Variants in NLRP8 observed in about 807,000 individuals in gnomAD.
NLRP8 encodes the protein NACHT, LRR and PYD domains-containing protein 8.
In NLRP8, 86 loss-of-function variants were observed where a neutral mutation model predicts 88.7. The observed-to-expected ratio is 0.97, with a 90% CI of 0.81 to 1.16. The LOEUF is 1.16. Ranked by LOEUF, NLRP8 falls within the 50% of genes most tolerant of loss-of-function variation. The pLI, the probability that NLRP8 is intolerant of heterozygous loss-of-function variation, is 0.00. For synonymous variants in NLRP8, 504 were observed against 494.6 expected (o/e 1.02, Z -0.25); for missense variants, 1,342 against 1,286.5 (o/e 1.04, Z -0.66).
Position 55,979,358 on chromosome 19 carries a change from C to G in NLRP8, c.2877-36C>G, listed in dbSNP as rs1487132289. 1.9e-6 allele frequency: 3 copies of G among 1,610,318 alleles called. No homozygotes were observed. The African/African-American group carries it at 4.0e-5, about 22-fold the overall frequency. ...TGAGCTCTCAGATGAGTTGTGATGA[C>G]TTCTCTGCTGTCTGCTGTCTGTTTC... On this transcript the variant is annotated intron_variant, in intron 8 of 9. Coordinates refer to ENST00000291971, the MANE Select transcript of NLRP8 (RefSeq NM_176811.2).
chr19:55,974,756 A>T lies in NLRP8; in HGVS notation c.2705+934A>T, dbSNP rs192497216. 2.0e-3 allele frequency among the ~76,000 whole-genome samples: 298 copies of T among 150,770 alleles called. 2 individuals are homozygous for T. The East Asian group carries it at 0.024, about 12-fold the overall frequency. ...GTCTCAAAAAAAAAAAAAAAGAAAG[A>T]AAAAAGGCCCATTGTTTTACTGGGG... On this transcript the variant is annotated intron_variant, in intron 7 of 9. Transcript: ENST00000291971.
At position 55,955,957 on chromosome 19, in the gene NLRP8, C is replaced by T. The variant is rs368676178; in HGVS notation, c.1899C>T (p.Val633=). 2.4e-4 allele frequency: 390 copies of T among 1,614,026 alleles called. 1 individual carries two copies. The highest frequency in any genetic ancestry group is 3.2e-4 in the Non-Finnish European group (376 of 1,180,036). Residue 633 remains valine, a synonymous_variant, in exon 3 of 10, where the codon GTC becomes GTT. Coordinates refer to ENST00000291971, the MANE Select transcript of NLRP8 (RefSeq NM_176811.2). ...CCCTAAATGATTATCATAAAGTTGT[C>T]TTGAGAATTGGCAACAACAAAGAAG...
In NLRP8 at chr19:55,973,701, T is replaced by A. The variant is rs1327098483; in HGVS notation, c.2584T>A (p.Cys862Ser). ...GCTTACTTGTGAAAGCCTTGCCTCC[T>A]GTCTCAGGCAGAGTAAGATGCTGAC... Residue 862 changes from cysteine (C) to serine (S), a missense_variant, in exon 7 of 10, where the codon TGT becomes AGT. Coordinates refer to ENST00000291971, the MANE Select transcript of NLRP8 (RefSeq NM_176811.2). 2 of 1,613,824 alleles carry A rather than the reference T, an allele frequency of 1.2e-6. No homozygotes were observed. Among genetic ancestry groups the A allele is most frequent in the Admixed American group, 1.7e-5 (1 of 60,006 alleles).
At chr19:55,974,833 C>T (rs1048137901) in intron 7 of NLRP8, among the ~76,000 whole-genome samples, 10 of 151,932 alleles carry the variant, frequency 6.6e-5, no homozygotes, top group Non-Finnish European at 1.3e-4. Context: ...TTTCCCCCCA[C>T]CTCCCTCTGT....
At position 55,966,398 on chromosome 19, in the gene NLRP8, G is replaced by A. The variant is rs367652997; in HGVS notation, c.2381+18G>A. The A allele has an allele frequency of 2.5e-6, 4 of 1,610,846 alleles. No homozygotes were observed. The highest frequency in any genetic ancestry group is 3.4e-6 in the Non-Finnish European group (4 of 1,177,774). On this transcript the variant is annotated intron_variant, in intron 5 of 9. Coordinates refer to ENST00000291971, the MANE Select transcript of NLRP8 (RefSeq NM_176811.2). Reference sequence around the variant, plus strand: ...TGTCTCAGGTGAGATTTGAGAGGGGGGTTAGAGTGGGAACCGGGGTACCCG... The same window carrying A: ...TGTCTCAGGTGAGATTTGAGAGGGGAGTTAGAGTGGGAACCGGGGTACCCG...
intron 9 of NLRP8, among the ~76,000 whole-genome samples, chr19:55,984,446 GGAATTTGAGA>G (rs1980712638): frequency 5.3e-5 from 8 of 151,034 alleles, no homozygotes; most frequent in African/African-American, 1.7e-4. Context: ...CCTGAGGTCA[GGAATTTGAGA>G]CCGGCCTGGC....
At chr19:55,952,701 A>C (rs995356210) in intron 2 of NLRP8, 89 bp downstream of exon 2, 2 of 948,832 alleles carry the variant, frequency 2.1e-6, no homozygotes, top group Non-Finnish European at 3.4e-6. Context: ...GCCAGATTTT[A>C]AGTTACCATG....
chr19:55,967,588 A>T (rs1321837758), intron 5 of NLRP8, among the ~76,000 whole-genome samples: 1 of 151,774 alleles, frequency 6.6e-6, no homozygotes, highest in East Asian at 2.0e-4. Flanking sequence ...TTCTTTATCC[A>T]TTTGTCTGTT....
chr19:55,981,059 G>T (rs572804141), intron 9 of NLRP8, among the ~76,000 whole-genome samples: 2 of 152,226 alleles, frequency 1.3e-5, no homozygotes, highest in African/African-American at 4.8e-5. Flanking sequence ...TCCTTCCCAG[G>T]GAGAAGAAAG....
At position 55,955,055 on chromosome 19, in the gene NLRP8, A is replaced by G. The variant is rs757057195; in HGVS notation, c.997A>G (p.Met333Val). 1.9e-6 allele frequency: 3 copies of G among 1,614,124 alleles called. No homozygotes were observed. Among genetic ancestry groups the G allele is most frequent in the Admixed American group, 1.7e-5 (1 of 60,012 alleles). Residue 333 changes from methionine to valine, a missense_variant, in exon 3 of 10, where the codon ATG (methionine) becomes GTG (valine). By Grantham distance (21) the Met-to-Val change is conservative. Coordinates refer to ENST00000291971, the MANE Select transcript of NLRP8 (RefSeq NM_176811.2). Reference sequence around the variant, plus strand: ...GCTTCCAGAGGCCACGCTACTGATCATGATAAGATTTACCTCTTGGCAGAC... The same window carrying G: ...GCTTCCAGAGGCCACGCTACTGATCGTGATAAGATTTACCTCTTGGCAGAC...
rs10406935 is a variant in NLRP8 at position 55,955,759 on chromosome 19, C to T, written c.1701C>T (p.Cys567=). Residue 567 remains cysteine, a synonymous_variant, in exon 3 of 10, where the codon TGC becomes TGT. Transcript: ENST00000291971. ...TATTCGGTTTTCTGAACGAGGCCTG[C>T]GCTTCGGCCGTGGAACAGTCATTCC... is the stretch of plus-strand genomic sequence containing the variant. 4.8e-4 allele frequency: 767 copies of T among 1,614,138 alleles called. 4 individuals carry two copies. In the African/African-American group the frequency reaches 8.8e-3, roughly 19 times the overall value.
At chr19:55,967,886 G>T (rs559860197) in intron 5 of NLRP8, among the ~76,000 whole-genome samples, 6 of 152,310 alleles carry the variant, frequency 3.9e-5, no homozygotes, top group African/African-American at 1.4e-4. Flanking sequence ...ATCATTTTAT[G>T]GTTCATTATT....
At chr19:55,960,500 A>G (rs1979559024) in intron 3 of NLRP8, among the ~76,000 whole-genome samples, 1 of 152,196 alleles carries the variant, frequency 6.6e-6, no homozygotes, top group Non-Finnish European at 1.5e-5. Flanking sequence ...TAAGACCTCA[A>G]GAATCTAAGC....
At chr19:55,961,431 A>G (rs574634075) in intron 3 of NLRP8, among the ~76,000 whole-genome samples, 1 of 152,202 alleles carries the variant, frequency 6.6e-6, no homozygotes, top group Non-Finnish European at 1.5e-5. Context: ...AATAAGAATT[A>G]TATATACACA....
rs946251767 is a variant in NLRP8, at chr19:55,950,446, C to CAG, written c.368-2088_368-2087dup. On this transcript the variant is annotated intron_variant, in intron 1 of 9. Transcript: ENST00000291971. ...AGAAACACACACACACACACACACA[C>CAG]AGAGACACACGTACGCAGTTGATCC... Among the ~76,000 whole-genome samples, 25 of 150,892 alleles carry CAG rather than the reference C, an allele frequency of 1.7e-4. No homozygotes were observed. The East Asian group carries it at 2.2e-3, about 13-fold the overall frequency.
At chr19:55,978,318 C>G (rs1194284775) in intron 8 of NLRP8, among the ~76,000 whole-genome samples, 1 of 152,010 alleles carries the variant, frequency 6.6e-6, no homozygotes, top group Admixed American at 6.6e-5. Flanking sequence ...TGGTCATGAG[C>G]AGTAACTTGG....
At chr19:55,967,682 G>A (rs2058945470) in intron 5 of NLRP8, among the ~76,000 whole-genome samples, 1 of 152,186 alleles carries the variant, frequency 6.6e-6, no homozygotes, top group African/African-American at 2.4e-5. Context: ...CTCTTCGATG[G>A]ACTGATTTCC....
chr19:55,955,499 C>T lies in NLRP8; in HGVS notation c.1441C>T (p.Gln481Ter). Reference sequence around the variant, plus strand: ...AGATCTTGAGGAAGCCAAGCTGGATCAGACGGGAGTCACCGCCTTCCTTGG... The same window carrying T: ...AGATCTTGAGGAAGCCAAGCTGGATTAGACGGGAGTCACCGCCTTCCTTGG... Residue 481 changes from glutamine (Q) to a stop codon, truncating the protein, a stop_gained, in exon 3 of 10, where the codon CAG becomes TAG. Coordinates refer to ENST00000291971, the MANE Select transcript of NLRP8 (RefSeq NM_176811.2). LOFTEE classifies it high-confidence loss of function. The T allele has an allele frequency of 6.2e-7, 1 of 1,614,224 alleles. No individual in the cohort carries two copies. Among genetic ancestry groups the T allele is most frequent in the South Asian group, 1.1e-5 (1 of 91,090 alleles).
At chr19:55,978,251 T>C (rs1235887281) in intron 8 of NLRP8, among the ~76,000 whole-genome samples, 1 of 152,072 alleles carries the variant, frequency 6.6e-6, no homozygotes, top group Non-Finnish European at 1.5e-5. Context: ...GGATAGCATT[T>C]GGAGATATAC....
Sources: allele counts gnomAD v4.1 joint callset (sites outside exome capture counted in the v4.1 genomes callset), GRCh38; gene constraint gnomAD v4.1.1; transcripts MANE v1.5; gene names NCBI Gene and HGNC (gene_info 2026-07-23, HGNC 2026-07-21).